The following RNF220 variants were observed in gnomAD, a reference collection of about 807,000 sequenced individuals.
RNF220 encodes E3 ubiquitin-protein ligase RNF220.
Under a neutral mutation model 67.1 loss-of-function variants are expected in RNF220, and 7 were observed. That is an observed-to-expected ratio of 0.10 (90% CI 0.06 to 0.20). The LOEUF is 0.20. Among genes scored for constraint, RNF220 ranks in the 10% least tolerant of loss-of-function variants. The probability of loss-of-function intolerance (pLI) is 1.00; values close to 1 mark genes in which losing one functional copy is unlikely to be tolerated. For missense variants in RNF220, 565 were observed against 740.3 expected (o/e 0.76, Z 2.75); for synonymous variants, 270 against 283.2 (o/e 0.95, Z 0.47).
chr1:44,573,625 A>G (rs999791352), intron 2 of RNF220, among the ~76,000 whole-genome samples: 4 of 152,190 alleles, frequency 2.6e-5, no homozygotes, highest in Non-Finnish European at 4.4e-5. Context: ...TAGGGGTCTG[A>G]TTTCCCAAGA....
intron 2 of RNF220, among the ~76,000 whole-genome samples, chr1:44,438,543 A>G (rs1471464710): frequency 6.6e-6 from 1 of 152,178 alleles, no homozygotes; most frequent in East Asian, 1.9e-4. Context: ...GTGCCAGGCA[A>G]TTTTAGGCCC....
intron 2 of RNF220, among the ~76,000 whole-genome samples, chr1:44,572,622 G>A (rs537163161): frequency 1.3e-5 from 2 of 151,620 alleles, no homozygotes; most frequent in East Asian, 3.9e-4. Flanking sequence ...ACCTCCTTCT[G>A]ATCTGCTGGC....
chr1:44,435,744 A>G (rs1650899571), intron 2 of RNF220, among the ~76,000 whole-genome samples: 1 of 152,164 alleles, frequency 6.6e-6, no homozygotes, highest in Admixed American at 6.5e-5. Context: ...AGCCTGACCA[A>G]TATGGTGAAA....
At position 44,440,060 on chromosome 1, in the gene RNF220, G is replaced by A. The variant is rs146401303; in HGVS notation, c.625+27338G>A. 7.0e-3 allele frequency among the ~76,000 whole-genome samples: 1,073 copies of A among 152,292 alleles called. 15 individuals are homozygous for A. The highest frequency in any genetic ancestry group is 0.025 in the African/African-American group (1,019 of 41,558). ...TGAAGAGTGGGGAAATACATTTCACGCAGGTAAGTAGCAAATGCAAAGACT... is the reference window on the plus strand; with the variant it reads ...TGAAGAGTGGGGAAATACATTTCACACAGGTAAGTAGCAAATGCAAAGACT... On this transcript the variant is annotated intron_variant, in intron 2 of 14. Transcript: ENST00000361799.
intron 2 of RNF220, among the ~76,000 whole-genome samples, chr1:44,518,278 A>T (rs1659616929): frequency 6.6e-6 from 1 of 152,066 alleles, no homozygotes; most frequent in Non-Finnish European, 1.5e-5. Context: ...ATAAAAAAAT[A>T]AGCCAGAGCA....
chr1:44,601,467 G>A (rs1350718772), intron 2 of RNF220, among the ~76,000 whole-genome samples: 1 of 152,184 alleles, frequency 6.6e-6, no homozygotes, highest in Non-Finnish European at 1.5e-5. Context: ...GGAAGGGAAG[G>A]AGAAGATGCA....
At chr1:44,594,991 GCCAGTGC>G (rs1281409767) in intron 2 of RNF220, among the ~76,000 whole-genome samples, 3 of 152,204 alleles carry the variant, frequency 2.0e-5, no homozygotes, top group Non-Finnish European at 2.9e-5. Context: ...AGACAGCAGA[GCCAGTGC>G]CTCCCCACTA....
At chr1:44,509,884 C>CT in intron 2 of RNF220, among the ~76,000 whole-genome samples, 1 of 80,404 alleles carries the variant, frequency 1.2e-5, no homozygotes, top group South Asian at 5.3e-4. Flanking sequence ...GAGACCCTGT[C>CT]CAAAAAAAAA....
chr1:44,514,048 C>T (rs76745305), intron 2 of RNF220, among the ~76,000 whole-genome samples: 1,788 of 152,318 alleles, frequency 0.012, 31 homozygotes, highest in African/African-American at 0.041. Context: ...AATATATAGT[C>T]GTGTAGCATC....
At chr1:44,516,556 G>A (rs1037041397) in intron 2 of RNF220, among the ~76,000 whole-genome samples, 4 of 152,160 alleles carry the variant, frequency 2.6e-5, no homozygotes, top group African/African-American at 7.2e-5. Context: ...CCTCATTTTT[G>A]TGATAGCTGT....
In RNF220 at chr1:44,578,144, C is replaced by CTT. The variant is rs749348924; in HGVS notation, c.626-36003_626-36002dup. On this transcript the variant is annotated intron_variant, in intron 2 of 14. Transcript: ENST00000361799. ...TTTTCTTTCTTTCTTTCTTTCTTTC[C>CTT]TTTTTTTTTTTTTTTTTTTGTTGAG... 7.3e-3 allele frequency among the ~76,000 whole-genome samples: 857 copies of CTT among 117,180 alleles called. 14 individuals are homozygous for CTT. The highest frequency in any genetic ancestry group is 9.5e-3 in the Non-Finnish European group (563 of 59,312). 76.9% of individuals were successfully genotyped at this position (117,180 alleles called of 152,430 possible). A position where few individuals can be genotyped will look rare whatever the true frequency, so the allele number is the denominator to read the frequency against.
chr1:44,559,763 G>C (rs766399947), intron 2 of RNF220, among the ~76,000 whole-genome samples: 2 of 143,080 alleles, frequency 1.4e-5, no homozygotes, highest in Non-Finnish European at 3.0e-5. Flanking sequence ...CTGTGAGGCA[G>C]CAGATAGAGG....
chr1:44,487,554 C>T (rs758880034), intron 2 of RNF220, among the ~76,000 whole-genome samples: 75 of 150,632 alleles, frequency 5.0e-4, no homozygotes, highest in African/African-American at 1.6e-3. Context: ...GGACGTGGGC[C>T]GAGCATGGTG....
intron 2 of RNF220, among the ~76,000 whole-genome samples, chr1:44,454,114 A>T (rs1437457981): frequency 1.3e-5 from 2 of 152,164 alleles, no homozygotes; most frequent in South Asian, 4.1e-4. Flanking sequence ...AGTCTCAGGG[A>T]TCTTCACATA....
intron 2 of RNF220, among the ~76,000 whole-genome samples, chr1:44,499,884 C>G (rs1657677345): frequency 6.6e-6 from 1 of 152,220 alleles, no homozygotes; most frequent in Non-Finnish European, 1.5e-5. Flanking sequence ...CCACTCCAGT[C>G]TTCCAGTTGG....
At chr1:44,409,937 C>A (rs765546267) in intron 1 of RNF220, among the ~76,000 whole-genome samples, 1 of 152,176 alleles carries the variant, frequency 6.6e-6, no homozygotes, top group African/African-American at 2.4e-5. Flanking sequence ...TGGAGACCAA[C>A]GCCCACGCAA....
intron 2 of RNF220, among the ~76,000 whole-genome samples, chr1:44,603,994 C>T (rs140430100): frequency 2.0e-5 from 3 of 152,260 alleles, no homozygotes; most frequent in Non-Finnish European, 2.9e-5. Flanking sequence ...ATAAGCCCAT[C>T]GTCAGAACCA....
At chr1:44,576,721 AG>A (rs752972800) in intron 2 of RNF220, among the ~76,000 whole-genome samples, 1 of 152,162 alleles carries the variant, frequency 6.6e-6, no homozygotes, top group Non-Finnish European at 1.5e-5. Context: ...CCAAAGAAAA[AG>A]GGGGGAAAAA....
intron 2 of RNF220, among the ~76,000 whole-genome samples, chr1:44,521,079 T>G (rs1333832911): frequency 6.6e-6 from 1 of 152,134 alleles, no homozygotes; most frequent in Non-Finnish European, 1.5e-5. Context: ...TATTTTTTTG[T>G]AGAGTCAGGA....
Sources: gnomAD v4.1 joint callset for allele counts (sites outside exome capture counted in the v4.1 genomes callset) on GRCh38, gnomAD v4.1.1 for gene constraint, MANE v1.5 for transcripts, NCBI Gene and HGNC (gene_info 2026-07-23, HGNC 2026-07-21) for gene names.